The following NMNAT2 variants were observed in gnomAD, a reference collection of about 807,000 sequenced individuals.
NMNAT2 encodes the protein nicotinamide nucleotide adenylyltransferase 2, also known as nicotinamide/nicotinic acid mononucleotide adenylyltransferase 2.
A neutral mutation model predicts 41.6 loss-of-function variants in NMNAT2; 11 were observed. The ratio of observed to expected loss-of-function variants is 0.26; its 90% CI spans 0.17 to 0.44. The LOEUF (loss-of-function observed/expected upper bound fraction) is 0.44, where lower values mean the gene tolerates loss of function less well. NMNAT2 is among the 20% of genes least tolerant of loss of function. The pLI is 1.00. For synonymous variants in NMNAT2, 148 were observed against 151.2 expected (o/e 0.98, Z 0.16); for missense variants, 288 against 407.7 (o/e 0.71, Z 2.53).
At chr1:183,284,148 G>T (rs1661341012) in intron 6 of NMNAT2, 109 bp from the exon 7 acceptor site, 2 of 903,990 alleles carry the variant, frequency 2.2e-6, no homozygotes, top group South Asian at 3.1e-5. Flanking sequence ...GGTGGGGTGG[G>T]TGCAAGTAGG....
At chr1:183,337,856 G>A (rs1662708914) in intron 1 of NMNAT2, among the ~76,000 whole-genome samples, 1 of 152,140 alleles carries the variant, frequency 6.6e-6, no homozygotes, top group Admixed American at 6.5e-5. Flanking sequence ...TGGCTTCTTT[G>A]TAGAGAGAGG....
chr1:183,405,677 A>C (rs1281238055), intron 1 of NMNAT2, among the ~76,000 whole-genome samples: 1 of 152,152 alleles, frequency 6.6e-6, no homozygotes, highest in Non-Finnish European at 1.5e-5. Context: ...AGCTCTTTTT[A>C]TTTTTATTGT....
rs867208427 is a variant in NMNAT2 at position 183,291,207 on chromosome 1, G to A, written c.243-1001C>T. Among the ~76,000 whole-genome samples the A allele has an allele frequency of 7.9e-5, 12 of 152,124 alleles. No individual in the cohort carries two copies. In the South Asian group the frequency reaches 1.2e-3, roughly 16 times the overall value. On this transcript the variant is annotated intron_variant, in intron 3 of 10. Coordinates refer to ENST00000287713, the MANE Select transcript of NMNAT2 (RefSeq NM_015039.4). ...GCTGGGATTACAAGCATGAGCCCCCGTGCCCTGCCTTGTCTAACATTTTCT... is the reference window on the plus strand; with the variant it reads ...GCTGGGATTACAAGCATGAGCCCCCATGCCCTGCCTTGTCTAACATTTTCT...
chr1:183,260,984 GC>G lies in NMNAT2; in HGVS notation c.821+17del. 1.3e-6 allele frequency: 2 copies of G among 1,598,494 alleles called. No individual in the cohort carries two copies. Among genetic ancestry groups the G allele is most frequent in the Non-Finnish European group, 1.7e-6 (2 of 1,165,760 alleles). ...AGACAGTTTGACTAAAGTCTCTCTGGCCATTTGTCAAACATACCTGCTCTTG... is the reference window on the plus strand; with the variant it reads ...AGACAGTTTGACTAAAGTCTCTCTGGCATTTGTCAAACATACCTGCTCTTG... On this transcript the variant is annotated intron_variant, in intron 10 of 10. Coordinates refer to ENST00000287713, the MANE Select transcript of NMNAT2 (RefSeq NM_015039.4).
intron 1 of NMNAT2, among the ~76,000 whole-genome samples, chr1:183,323,309 G>A (rs1662391131): frequency 6.6e-6 from 1 of 152,122 alleles, no homozygotes; most frequent in South Asian, 2.1e-4. Context: ...ACACCACCTA[G>A]AACCCAGCTG....
At chr1:183,328,877 A>G (rs1662522029) in intron 1 of NMNAT2, among the ~76,000 whole-genome samples, 1 of 152,194 alleles carries the variant, frequency 6.6e-6, no homozygotes, top group South Asian at 2.1e-4. Context: ...TTCCCCCGGT[A>G]TTTGGATTGC....
intron 1 of NMNAT2, among the ~76,000 whole-genome samples, chr1:183,380,682 A>T (rs1383466671): frequency 6.6e-6 from 1 of 152,200 alleles, no homozygotes; most frequent in Non-Finnish European, 1.5e-5. Context: ...TTCAATTTAA[A>T]AAATGGAAAT....
At chr1:183,363,709 C>T (rs1175700511) in intron 1 of NMNAT2, among the ~76,000 whole-genome samples, 1 of 152,154 alleles carries the variant, frequency 6.6e-6, no homozygotes, top group Non-Finnish European at 1.5e-5. Flanking sequence ...TGAATTGTAA[C>T]CCCTTATTCC....
intron 4 of NMNAT2, among the ~76,000 whole-genome samples, chr1:183,288,309 G>A (rs1416628875): frequency 6.6e-6 from 1 of 152,210 alleles, no homozygotes; most frequent in Non-Finnish European, 1.5e-5. Flanking sequence ...GTTAAGTCAT[G>A]CATCTATCTC....
chr1:183,377,094 C>A (rs1013879567), intron 1 of NMNAT2, among the ~76,000 whole-genome samples: 1 of 151,910 alleles, frequency 6.6e-6, no homozygotes, highest in African/African-American at 2.4e-5. Context: ...AGCTGTAGTC[C>A]GAAGGCACTG....
chr1:183,286,518 A>G (rs1661402390), intron 5 of NMNAT2, 144 bp downstream of exon 5: 1 of 632,784 alleles, frequency 1.6e-6, no homozygotes, highest in Non-Finnish European at 2.7e-6. Flanking sequence ...TAGCAGCATC[A>G]GCAGCACCTT....
chr1:183,399,889 A>G (rs1469564458), intron 1 of NMNAT2, among the ~76,000 whole-genome samples: 1 of 152,182 alleles, frequency 6.6e-6, no homozygotes, highest in Non-Finnish European at 1.5e-5. Flanking sequence ...CTCTCAATAA[A>G]CTAGGTATTG....
At chr1:183,360,000 C>G (rs577976903) in intron 1 of NMNAT2, among the ~76,000 whole-genome samples, 1 of 152,070 alleles carries the variant, frequency 6.6e-6, no homozygotes, top group African/African-American at 2.4e-5. Flanking sequence ...TTTTTGCTGG[C>G]TTTGGACTCT....
intron 7 of NMNAT2, among the ~76,000 whole-genome samples, chr1:183,280,386 CT>C (rs200221124): frequency 3.3e-5 from 5 of 149,520 alleles, no homozygotes; most frequent in South Asian, 2.2e-4. Context: ...CGTAAACTTC[CT>C]TTTTTTTTTC....
At chr1:183,327,350 C>T (rs571144852) in intron 1 of NMNAT2, among the ~76,000 whole-genome samples, 2 of 152,320 alleles carry the variant, frequency 1.3e-5, no homozygotes, top group African/African-American at 4.8e-5. Flanking sequence ...GCCACTGTGC[C>T]TGGCCCTAAT....
chr1:183,409,813 A>T (rs1199918939), intron 1 of NMNAT2, among the ~76,000 whole-genome samples: 1 of 152,228 alleles, frequency 6.6e-6, no homozygotes, highest in Non-Finnish European at 1.5e-5. Flanking sequence ...AGTTCACCAA[A>T]TCTGAGAATA....
intron 1 of NMNAT2, among the ~76,000 whole-genome samples, chr1:183,388,413 C>T (rs1648323731): frequency 6.6e-6 from 1 of 152,176 alleles, no homozygotes; most frequent in Non-Finnish European, 1.5e-5. Flanking sequence ...AACACCTCTG[C>T]CAAATGCATT....
At chr1:183,336,132 G>A (rs1662673960) in intron 1 of NMNAT2, among the ~76,000 whole-genome samples, 1 of 152,184 alleles carries the variant, frequency 6.6e-6, no homozygotes, top group South Asian at 2.1e-4. Context: ...GGCTTGTTGG[G>A]TTTTAACCAA....
chr1:183,346,404 C>T (rs1210109985), intron 1 of NMNAT2, among the ~76,000 whole-genome samples: 2 of 152,186 alleles, frequency 1.3e-5, no homozygotes, highest in African/African-American at 4.8e-5. Context: ...CTCTTACTGC[C>T]CTCTGCCTTG....
Sources: gnomAD v4.1 joint callset for allele counts (sites outside exome capture counted in the v4.1 genomes callset) on GRCh38, gnomAD v4.1.1 for gene constraint, MANE v1.5 for transcripts, NCBI Gene and HGNC (gene_info 2026-07-23, HGNC 2026-07-21) for gene names.